Variants in CTIF observed in about 807,000 individuals in gnomAD.
The protein encoded by CTIF is cap binding complex dependent translation initiation factor.
In CTIF, 21 loss-of-function variants were observed where a neutral mutation model predicts 66.0. That is an observed-to-expected ratio of 0.32 (90% CI 0.23 to 0.46). The LOEUF (loss-of-function observed/expected upper bound fraction) is 0.46, where lower values mean the gene tolerates loss of function less well. Among genes scored for constraint, CTIF ranks in the 20% least tolerant of loss-of-function variants. The pLI is 1.00. For synonymous variants in CTIF, 345 were observed against 326.4 expected, an observed-to-expected ratio of 1.06 and a Z score of -0.62; for missense variants, 739 against 812.7, an observed-to-expected ratio of 0.91 and a Z score of 1.10.
At chr18:48,617,769 A>G (rs2144381472) in intron 1 of CTIF, among the ~76,000 whole-genome samples, 1 of 152,288 alleles carries the variant, frequency 6.6e-6, no homozygotes, top group Non-Finnish European at 1.5e-5. Context: ...TGGTTCCCTC[A>G]TTCTGAAAAG....
intron 5 of CTIF, 26 bp from the exon 6 acceptor site, chr18:48,670,643 A>G (rs375588934): frequency 6.2e-7 from 1 of 1,608,224 alleles, no homozygotes; most frequent in African/African-American, 1.3e-5. Context: ...CATCTTTCCA[A>G]TGCCTTTCTG....
intron 9 of CTIF, among the ~76,000 whole-genome samples, chr18:48,790,254 C>T (rs1384556845): frequency 6.6e-6 from 1 of 152,202 alleles, no homozygotes; most frequent in Non-Finnish European, 1.5e-5. Flanking sequence ...TTTCTAAGAC[C>T]CAGACTGGGG....
intron 10 of CTIF, among the ~76,000 whole-genome samples, chr18:48,856,060 G>C (rs1352986315): frequency 6.6e-6 from 1 of 152,190 alleles, no homozygotes; most frequent in Non-Finnish European, 1.5e-5. Flanking sequence ...ATTTGGGGAG[G>C]AAAATATTGG....
At chr18:48,592,710 G>C (rs1376741638) in intron 1 of CTIF, among the ~76,000 whole-genome samples, 1 of 152,178 alleles carries the variant, frequency 6.6e-6, no homozygotes, top group Non-Finnish European at 1.5e-5. Flanking sequence ...GTTAACAGTT[G>C]GAGACTGTGT....
chr18:48,573,813 G>A (rs935507873), intron 1 of CTIF, among the ~76,000 whole-genome samples: 5 of 152,184 alleles, frequency 3.3e-5, no homozygotes, highest in East Asian at 1.9e-4. Flanking sequence ...GTGCGGGGAC[G>A]GGAAGGCAGC....
rs1177369843 is a variant in CTIF, at chr18:48,730,713, G to A, written c.584+19018G>A. ...AGCCCCTGAGGTGTGAGGGGCTTCCGCGGTGTGAGGGGCTTCCGTGGTGTG... is the reference window on the plus strand; with the variant it reads ...AGCCCCTGAGGTGTGAGGGGCTTCCACGGTGTGAGGGGCTTCCGTGGTGTG... On this transcript the variant is annotated intron_variant, in intron 7 of 11. Transcript: ENST00000256413. Among the ~76,000 whole-genome samples the A allele has an allele frequency of 7.3e-4, 25 of 34,112 alleles. 4 individuals are homozygous for A. The highest frequency in any genetic ancestry group is 3.2e-3 in the African/African-American group (15 of 4,658). The allele number at this position is 34,112 out of a possible 152,430, so 22.4% of individuals were successfully genotyped here. A position where few individuals can be genotyped will look rare whatever the true frequency, so the allele number is the denominator to read the frequency against.
intron 3 of CTIF, among the ~76,000 whole-genome samples, chr18:48,647,963 TG>T (rs1215277769): frequency 6.6e-6 from 1 of 152,090 alleles, no homozygotes; most frequent in South Asian, 2.1e-4. Flanking sequence ...GGTGTTGGAA[TG>T]GGGGGTGTTG....
rs749905478 is a variant in CTIF, at chr18:48,761,712, C to T, written c.1371+23C>T. On this transcript the variant is annotated intron_variant, in intron 9 of 11. Coordinates refer to ENST00000256413, the MANE Select transcript of CTIF (RefSeq NM_014772.3). This position sits in a 1 kb window ranked among gnomAD's most constrained non-coding sequence, Gnocchi z 4.2. The stretch of plus-strand genomic sequence containing the variant: ...CAGGTAACTGGACGCCGGCCACCAC[C>T]GCCCCGCGCCCCCTGCCCCTCTGCG... 8.8e-6 allele frequency: 14 copies of T among 1,591,682 alleles called. No individual in the cohort carries two copies. Among genetic ancestry groups the T allele is most frequent in the Middle Eastern group, 3.6e-4 (2 of 5,612 alleles).
chr18:48,711,770 C>T, intron 7 of CTIF, 75 bp downstream of exon 7: 1 of 1,273,754 alleles, frequency 7.9e-7, no homozygotes, highest in South Asian at 1.2e-5. Flanking sequence ...CAGCTTTGGC[C>T]TGCATTTCGC....
intron 1 of CTIF, 176 bp downstream of exon 1, chr18:48,539,488 C>G (rs2088552890): frequency 6.6e-6 from 1 of 152,598 alleles, no homozygotes; most frequent in Non-Finnish European, 1.5e-5. Context: ...GGGGTGTCCG[C>G]ACCCATCTAC....
chr18:48,786,533 A>G (rs182757639), intron 9 of CTIF, among the ~76,000 whole-genome samples: 2 of 152,352 alleles, frequency 1.3e-5, no homozygotes, highest in African/African-American at 2.4e-5. Context: ...GAGACAGTGC[A>G]TATCAGGATT....
chr18:48,740,805 C>A (rs1479394789), intron 7 of CTIF, among the ~76,000 whole-genome samples: 1 of 152,138 alleles, frequency 6.6e-6, no homozygotes, highest in Non-Finnish European at 1.5e-5. Context: ...CTCATTAAAA[C>A]CATTAAAAAA....
At chr18:48,749,538 T>A (rs1907593540) in intron 7 of CTIF, among the ~76,000 whole-genome samples, 1 of 152,178 alleles carries the variant, frequency 6.6e-6, no homozygotes, top group South Asian at 2.1e-4. Context: ...CACAGTGTGA[T>A]CCCTCCCTCT....
chr18:48,757,454 A>C (rs2145858119), intron 7 of CTIF, among the ~76,000 whole-genome samples: 1 of 152,290 alleles, frequency 6.6e-6, no homozygotes, highest in East Asian at 1.9e-4. Flanking sequence ...GTGAACAGTC[A>C]TTCATAGGAA....
intron 1 of CTIF, among the ~76,000 whole-genome samples, chr18:48,554,602 A>G (rs1164494966): frequency 2.0e-5 from 3 of 152,256 alleles, no homozygotes; most frequent in Admixed American, 1.3e-4. Flanking sequence ...GGCTGGGAAC[A>G]TGGCCCCTTT....
At chr18:48,729,374 G>T (rs1196386322) in intron 7 of CTIF, among the ~76,000 whole-genome samples, 3 of 152,156 alleles carry the variant, frequency 2.0e-5, no homozygotes, top group Non-Finnish European at 4.4e-5. Context: ...GCTTTAATTG[G>T]AAGCGTATTG....
At chr18:48,711,571 C>G in intron 6 of CTIF, 48 bp from the exon 7 acceptor site, 1 of 1,493,528 alleles carries the variant, frequency 6.7e-7, no homozygotes. Context: ...GTGCTTTGCT[C>G]TCTTTCAGGA....
chr18:48,838,927 A>G (rs2068874121), intron 10 of CTIF, among the ~76,000 whole-genome samples: 1 of 151,904 alleles, frequency 6.6e-6, no homozygotes, highest in Admixed American at 6.6e-5. Flanking sequence ...CAGCCCCTCA[A>G]TCTCTAAGTG....
chr18:48,818,385 G>A (rs77184566), intron 10 of CTIF, among the ~76,000 whole-genome samples: 8,342 of 152,266 alleles, frequency 0.055, 284 homozygotes, highest in South Asian at 0.096. Flanking sequence ...TGGGCTCCCC[G>A]TTTACCAGCC....
Sources: gnomAD v4.1 joint callset for allele counts (sites outside exome capture counted in the v4.1 genomes callset) on GRCh38, gnomAD v4.1.1 for gene constraint, Gnocchi (gnomAD v3.1) non-coding constraint, MANE v1.5 for transcripts, NCBI Gene and HGNC (gene_info 2026-07-23, HGNC 2026-07-21) for gene names.